GUCA1C: variants seen among roughly 807,000 people sequenced by gnomAD.
GUCA1C encodes guanylate cyclase activator 1C, also known as guanylyl cyclase-activating protein 3.
GUCA1C carries 15 observed loss-of-function variants against 16.2 expected under a neutral mutation model. The observed-to-expected ratio is 0.93, with a 90% confidence interval of 0.62 to 1.43. The LOEUF is 1.43. Among genes scored for constraint, GUCA1C ranks in the 40% most tolerant of loss-of-function variants. The pLI, the probability that GUCA1C is intolerant of heterozygous loss-of-function variation, is 0.00. For missense variants in GUCA1C, 275 were observed against 244.8 expected, an observed-to-expected ratio of 1.12 and a Z score of -0.82; for synonymous variants, 78 against 85.4, an observed-to-expected ratio of 0.91 and a Z score of 0.48.
chr3:108,909,764 T>C (rs543538612), intron 3 of GUCA1C, among the ~76,000 whole-genome samples: 7 of 152,294 alleles, frequency 4.6e-5, no homozygotes, highest in African/African-American at 1.7e-4. Context: ...TCAAAACACT[T>C]GTGAATTCTG....
intron 1 of GUCA1C, among the ~76,000 whole-genome samples, chr3:108,930,121 T>C (rs1946653565): frequency 6.6e-6 from 1 of 152,224 alleles, no homozygotes; most frequent in Non-Finnish European, 1.5e-5. Flanking sequence ...TGGCCAGCTC[T>C]AGGGAGGCAT....
At chr3:108,910,513 AG>A in intron 3 of GUCA1C, among the ~76,000 whole-genome samples, 1 of 151,884 alleles carries the variant, frequency 6.6e-6, no homozygotes, top group African/African-American at 2.4e-5. Flanking sequence ...AAAAAGGCAA[AG>A]ATTCTACCAG....
intron 2 of GUCA1C, among the ~76,000 whole-genome samples, chr3:108,916,997 CTT>C (rs2107279934): frequency 6.6e-6 from 1 of 152,326 alleles, no homozygotes; most frequent in Non-Finnish European, 1.5e-5. Context: ...CTCTCTCTCT[CTT>C]GCTTCTTCTC....
chr3:108,910,494 TG>T (rs1326278781), intron 3 of GUCA1C, among the ~76,000 whole-genome samples: 1 of 132,542 alleles, frequency 7.5e-6, no homozygotes, highest in African/African-American at 3.4e-5. Flanking sequence ...CGAGACTGTC[TG>T]AAAAAAAAAA....
chr3:108,920,006 A>G (rs533535146), intron 2 of GUCA1C, among the ~76,000 whole-genome samples: 295 of 152,258 alleles, frequency 1.9e-3, no homozygotes, highest in African/African-American at 6.8e-3. Flanking sequence ...AGATCCCTGA[A>G]CCAACTATTA....
At chr3:108,920,678 T>C (rs1946561997) in intron 1 of GUCA1C, 93 bp from the exon 2 acceptor site, 7 of 688,906 alleles carry the variant, frequency 1.0e-5, no homozygotes, top group East Asian at 8.3e-5. Context: ...GGGCCTTTAG[T>C]ATAACTTAAA....
chr3:108,952,132 T>C (rs989952004), intron 1 of GUCA1C, among the ~76,000 whole-genome samples: 46 of 152,338 alleles, frequency 3.0e-4, no homozygotes, highest in African/African-American at 1.1e-3. Flanking sequence ...ACTTTCATCC[T>C]GATATTGGGC....
intron 1 of GUCA1C, among the ~76,000 whole-genome samples, chr3:108,952,860 G>C (rs1157729364): frequency 1.3e-5 from 2 of 150,358 alleles, no homozygotes; most frequent in East Asian, 3.9e-4. Context: ...TTGCTTTTTT[G>C]TCTCTCTTTT....
intron 1 of GUCA1C, among the ~76,000 whole-genome samples, chr3:108,927,706 G>T (rs148111241): frequency 6.6e-6 from 1 of 152,008 alleles, no homozygotes; most frequent in African/African-American, 2.4e-5. Flanking sequence ...CTTAATAATC[G>T]ACCTTCTGAA....
intron 1 of GUCA1C, among the ~76,000 whole-genome samples, chr3:108,935,367 A>T (rs139215808): frequency 6.6e-6 from 1 of 151,908 alleles, no homozygotes; most frequent in Non-Finnish European, 1.5e-5. Flanking sequence ...ATAAAAAATA[A>T]AAAATATAAG....
intron 1 of GUCA1C, among the ~76,000 whole-genome samples, chr3:108,922,593 T>G (rs34036727): frequency 0.026 from 3,962 of 152,284 alleles, 76 homozygotes; most frequent in Middle Eastern, 0.12. Flanking sequence ...GATAATTAGT[T>G]ATTTTAAACA....
At chr3:108,945,459 C>G (rs895237204) in intron 1 of GUCA1C, among the ~76,000 whole-genome samples, 1 of 152,180 alleles carries the variant, frequency 6.6e-6, no homozygotes, top group Non-Finnish European at 1.5e-5. Flanking sequence ...TATTTTGACA[C>G]GTTTGCGCCA....
chr3:108,908,200 G>C lies in GUCA1C; in HGVS notation c.452C>G (p.Thr151Ser), dbSNP rs1304781259. The change falls in exon 4 of 4, where the codon ACT (threonine) becomes AGT (serine). Residue 151 changes from threonine to serine, a missense_variant. Coordinates refer to ENST00000261047, the MANE Select transcript of GUCA1C (RefSeq NM_005459.4). Reference sequence around the variant, plus strand: ...CATGCCATTGATAAATTCTTCTAAAGTCAATTCCCCTGGAAAATAATAAAC... The same window carrying C: ...CATGCCATTGATAAATTCTTCTAAACTCAATTCCCCTGGAAAATAATAAAC... The part of the protein sequence containing the change: ...KIDINNDGEL[T>S]LEEFINGMAK... The C allele has an allele frequency of 6.2e-7, 1 of 1,610,460 alleles. No individual in the cohort carries two copies. Among genetic ancestry groups the C allele is most frequent in the African/African-American group, 1.3e-5 (1 of 74,786 alleles).
intron 3 of GUCA1C, 107 bp from the exon 4 acceptor site, chr3:108,908,316 C>T (rs902460428): frequency 2.0e-6 from 1 of 503,642 alleles, no homozygotes. Context: ...ATCCTTTCCC[C>T]TCAACCAGAC....
chr3:108,924,044 T>C (rs1946595984), intron 1 of GUCA1C, among the ~76,000 whole-genome samples: 1 of 152,154 alleles, frequency 6.6e-6, no homozygotes, highest in Admixed American at 6.6e-5. Flanking sequence ...TCTAGGGGCT[T>C]TTTGGAGGAG....
chr3:108,920,892 TC>T (rs1477801745), intron 1 of GUCA1C, among the ~76,000 whole-genome samples: 1 of 152,144 alleles, frequency 6.6e-6, no homozygotes, highest in African/African-American at 2.4e-5. Context: ...ATGCATAGCC[TC>T]CCACCAGAAT....
In GUCA1C at chr3:108,948,933, C is replaced by T. The variant is rs1343875735; in HGVS notation, c.204+4626G>A. Among the ~76,000 whole-genome samples, 10 of 151,948 alleles carry T rather than the reference C, an allele frequency of 6.6e-5. 1 individual carries two copies. The South Asian group carries it at 8.3e-4, about 13-fold the overall frequency. On this transcript the variant is annotated intron_variant, in intron 1 of 3. Transcript: ENST00000261047. Reference sequence around the variant, plus strand: ...CACGATCTCAACTCTCTGCAACTTCCGCCTCCCAGGTTCAAGCAATTCTCT... The same window carrying T: ...CACGATCTCAACTCTCTGCAACTTCTGCCTCCCAGGTTCAAGCAATTCTCT...
At chr3:108,944,274 G>A (rs148442824) in intron 1 of GUCA1C, among the ~76,000 whole-genome samples, 4 of 152,086 alleles carry the variant, frequency 2.6e-5, no homozygotes, top group African/African-American at 9.7e-5. Flanking sequence ...CACCTGATAG[G>A]AATAATTTCA....
chr3:108,919,537 G>A (rs371552864), intron 2 of GUCA1C, among the ~76,000 whole-genome samples: 12 of 151,982 alleles, frequency 7.9e-5, no homozygotes, highest in African/African-American at 2.4e-4. Context: ...TAGCAATATC[G>A]GTATTATCCT....
Sources: gnomAD v4.1 joint callset for allele counts (sites outside exome capture counted in the v4.1 genomes callset) on GRCh38, gnomAD v4.1.1 for gene constraint, MANE v1.5 for transcripts, NCBI Gene and HGNC (gene_info 2026-07-23, HGNC 2026-07-21) for gene names.